The following UTP4 variants were observed in gnomAD, a reference collection of about 807,000 sequenced individuals.
The protein encoded by UTP4 is U3 small nucleolar RNA-associated protein 4 homolog.
UTP4 carries 45 observed loss-of-function variants against 82.4 expected under a neutral mutation model. The ratio of observed to expected loss-of-function variants is 0.55; its 90% confidence interval spans 0.43 to 0.70. UTP4 has a LOEUF of 0.70. Ranked by LOEUF, UTP4 falls within the 30% of genes least tolerant of loss-of-function variation. The probability of loss-of-function intolerance (pLI) is 0.00; values close to 1 mark genes in which losing one functional copy is unlikely to be tolerated. For missense variants in UTP4, 819 were observed against 858.3 expected (o/e 0.95, Z 0.57); for synonymous variants, 348 against 300.3 (o/e 1.16, Z -1.64).
At chr16:69,142,637 C>T (rs1962990623) in intron 5 of UTP4, among the ~76,000 whole-genome samples, 1 of 152,192 alleles carries the variant, frequency 6.6e-6, no homozygotes, top group Non-Finnish European at 1.5e-5. Context: ...TCTCTGCCGA[C>T]CTGGGACTTA....
At chr16:69,167,386 C>G in intron 16 of UTP4, 2 of 582,048 alleles carry the variant, frequency 3.4e-6, no homozygotes. Context: ...GAGGCAGGCA[C>G]ATCATACTTA....
At chr16:69,133,654 G>A (rs778245893) in intron 2 of UTP4, 36 bp downstream of exon 2, 1 of 1,605,158 alleles carries the variant, frequency 6.2e-7, no homozygotes, top group Non-Finnish European at 8.5e-7. Context: ...GTGTTTTGAT[G>A]TTAATTTCTT....
chr16:69,151,785 TCCC>T (rs1404745341), intron 8 of UTP4, among the ~76,000 whole-genome samples: 2 of 152,108 alleles, frequency 1.3e-5, no homozygotes, highest in African/African-American at 4.8e-5. Context: ...GGGAAATTTT[TCCC>T]TTTTCCAAAT....
intron 6 of UTP4, among the ~76,000 whole-genome samples, chr16:69,143,710 G>A (rs1053944750): frequency 1.3e-5 from 2 of 152,050 alleles, no homozygotes; most frequent in African/African-American, 2.4e-5. Flanking sequence ...TTATACCTTT[G>A]TATTTATGCA....
intron 8 of UTP4, 23 bp from the exon 9 acceptor site, chr16:69,153,561 A>G: frequency 2.5e-6 from 4 of 1,581,430 alleles, no homozygotes; most frequent in Non-Finnish European, 3.5e-6. Flanking sequence ...TTATTTTTTT[A>G]ACTTCTTGAT....
chr16:69,167,005 A>G (rs1359415648), intron 15 of UTP4, 70 bp from the exon 16 acceptor site: 2 of 1,009,878 alleles, frequency 2.0e-6, no homozygotes, highest in East Asian at 2.4e-5. Flanking sequence ...CTCAAAATGC[A>G]CTACAGATCT....
chr16:69,153,553 A>C lies in UTP4; in HGVS notation c.1003-31A>C, dbSNP rs372301646. Reference sequence around the variant, plus strand: ...CTAAGGCAGTAGATGACCCTGACTTATTTTTTTAACTTCTTGATTCTTGGA... The same window carrying C: ...CTAAGGCAGTAGATGACCCTGACTTCTTTTTTTAACTTCTTGATTCTTGGA... On this transcript the variant is annotated intron_variant, in intron 8 of 16. Transcript: ENST00000314423. 1.1e-5 allele frequency: 17 copies of C among 1,557,134 alleles called. 1 individual carries two copies. The South Asian group carries it at 1.9e-4, about 18-fold the overall frequency.
At chr16:69,156,145 T>A (rs1474026982) in intron 11 of UTP4, 152 bp downstream of exon 11, 3 of 762,810 alleles carry the variant, frequency 3.9e-6, no homozygotes, top group Non-Finnish European at 6.2e-6. Flanking sequence ...GTGTTTTATT[T>A]CTTTCTTTCT....
intron 5 of UTP4, among the ~76,000 whole-genome samples, chr16:69,142,541 C>T (rs1267936068): frequency 6.6e-6 from 1 of 152,170 alleles, no homozygotes; most frequent in Non-Finnish European, 1.5e-5. Flanking sequence ...TGAAGCCCCA[C>T]TTACTCCTTT....
intron 15 of UTP4, 91 bp from the exon 16 acceptor site, chr16:69,166,984 A>G (rs1437175247): frequency 5.9e-6 from 5 of 849,540 alleles, no homozygotes; most frequent in Non-Finnish European, 1.0e-5. Flanking sequence ...TGGTTAGAAG[A>G]TGATGTTGGG....
chr16:69,152,890 T>C (rs900442875), intron 8 of UTP4, among the ~76,000 whole-genome samples: 3 of 152,250 alleles, frequency 2.0e-5, no homozygotes, highest in Admixed American at 6.5e-5. Flanking sequence ...TCTCGATTGC[T>C]GGCATTACAG....
chr16:69,147,269 C>T (rs956326998), intron 6 of UTP4, among the ~76,000 whole-genome samples: 12 of 151,390 alleles, frequency 7.9e-5, no homozygotes, highest in African/African-American at 1.5e-4. Context: ...TTTGGGAGGC[C>T]GATGCGGGTG....
At chr16:69,148,192 A>T (rs1963169379) in intron 6 of UTP4, among the ~76,000 whole-genome samples, 1 of 151,846 alleles carries the variant, frequency 6.6e-6, no homozygotes, top group Non-Finnish European at 1.5e-5. Context: ...TGATCTCCTG[A>T]CCTTGTGATC....
Position 69,160,362 on chromosome 16 carries a change from T to G in UTP4, c.1451T>G (p.Val484Gly), listed in dbSNP as rs199824083. 170 of 1,613,004 alleles carry G rather than the reference T, an allele frequency of 1.1e-4. No homozygotes were observed. Among genetic ancestry groups the G allele is most frequent in the Non-Finnish European group, 1.2e-4 (141 of 1,179,066 alleles). The change falls in exon 13 of 17, where the codon GTG (valine) becomes GGG (glycine). Residue 484 changes from valine to glycine, a missense_variant. Physicochemically the swap from Val to Gly is moderately radical, Grantham distance 109 (BLOSUM62 -3). Transcript: ENST00000314423. ...AACTGTTTTGTCCTCACAGGAACAG[T>G]GGAGGCCATGTGTCTTTTGGCAGTC... ...LHAFQPQSGT[V>G]EAMCLLAVSP...
chr16:69,154,305 A>G, intron 9 of UTP4, 88 bp from the exon 10 acceptor site: 1 of 1,082,938 alleles, frequency 9.2e-7, no homozygotes. Context: ...TAGAGATTCC[A>G]TTTTTCCAAG....
intron 14 of UTP4, among the ~76,000 whole-genome samples, chr16:69,163,580 TC>T (rs1963617873): frequency 1.3e-5 from 2 of 151,912 alleles, no homozygotes; most frequent in African/African-American, 4.8e-5. Context: ...GATGAGGAAA[TC>T]AAGCCCTAAT....
rs1292346909 is a variant in UTP4, at chr16:69,153,643, C to G, written c.1062C>G (p.His354Gln). ...RQLLLFQFAHHLELWRLGSTV... is the reference protein window; with the variant it reads ...RQLLLFQFAHQLELWRLGSTV... ...TTCTCCTCTTCCAGTTTGCTCATCA[C>G]TTAGAACTTTGGCGACTGGGATCCA... is the stretch of plus-strand genomic sequence containing the variant. Residue 354 changes from histidine to glutamine, a missense_variant, in exon 9 of 17, where the codon CAC becomes CAG. Coordinates refer to ENST00000314423, the MANE Select transcript of UTP4 (RefSeq NM_032830.3). The G allele has an allele frequency of 1.2e-6, 2 of 1,613,474 alleles. No homozygotes were observed. Among genetic ancestry groups the G allele is most frequent in the African/African-American group, 1.3e-5 (1 of 74,998 alleles).
chr16:69,132,756 C>T (rs1962657524), intron 1 of UTP4, 67 bp downstream of exon 1: 14 of 239,718 alleles, frequency 5.8e-5, no homozygotes, highest in South Asian at 4.7e-4. Flanking sequence ...GTGGCCGGCC[C>T]AGGGTCGGCG....
chr16:69,137,118 C>A (rs1310337056), intron 3 of UTP4, among the ~76,000 whole-genome samples: 3 of 152,150 alleles, frequency 2.0e-5, no homozygotes, highest in African/African-American at 7.2e-5. Flanking sequence ...TCAACATTTC[C>A]CAAACTGTGT....
Sources: allele counts gnomAD v4.1 joint callset (sites outside exome capture counted in the v4.1 genomes callset), GRCh38; gene constraint gnomAD v4.1.1; transcripts MANE v1.5; gene names NCBI Gene and HGNC (gene_info 2026-07-23, HGNC 2026-07-21).